The following MCM9 variants were observed in gnomAD, a reference collection of about 807,000 sequenced individuals.
MCM9 encodes minichromosome maintenance 9 homologous recombination repair factor, also known as DNA helicase MCM9.
Under a neutral mutation model 72.8 loss-of-function variants are expected in MCM9, and 55 were observed. The ratio of observed to expected loss-of-function variants is 0.76; its 90% CI spans 0.61 to 0.95. The LOEUF is 0.95. Among genes scored for constraint, MCM9 ranks in the 40% least tolerant of loss-of-function variants. The pLI is 0.00. For missense variants in MCM9, 1,279 were observed against 1,377.0 expected, an observed-to-expected ratio of 0.93 and a Z score of 1.13; for synonymous variants, 480 against 503.4, an observed-to-expected ratio of 0.95 and a Z score of 0.62.
At chr6:118,883,440 C>T (rs1455663162) in intron 8 of MCM9, among the ~76,000 whole-genome samples, 2 of 103,076 alleles carry the variant, frequency 1.9e-5, no homozygotes, top group African/African-American at 5.9e-5. Context: ...TGACTGAAAA[C>T]TCTCCAAATT....
chr6:118,919,665 T>G (rs1466964440), intron 5 of MCM9: 2 of 152,232 alleles, frequency 1.3e-5, no homozygotes, highest in Non-Finnish European at 2.9e-5. Context: ...GATATTCACC[T>G]TAAACTTCTG....
At chr6:118,894,157 T>G (rs1000104029) in intron 8 of MCM9, 24 of 1,255,702 alleles carry the variant, frequency 1.9e-5, no homozygotes, top group Non-Finnish European at 2.3e-5. Flanking sequence ...GGGTCAGAAC[T>G]CGGGTGCAGC....
intron 8 of MCM9, chr6:118,894,024 C>CA: frequency 1.0e-6 from 1 of 991,100 alleles, no homozygotes; most frequent in Non-Finnish European, 1.2e-6. Context: ...TTATTCCACT[C>CA]ACTTTGTTCT....
chr6:118,882,816 C>A (rs1778375288), intron 8 of MCM9, among the ~76,000 whole-genome samples: 1 of 151,344 alleles, frequency 6.6e-6, no homozygotes, highest in Non-Finnish European at 1.5e-5. Context: ...AGTTACTAAA[C>A]AAGCAAACAA....
At chr6:118,853,405 T>C (rs1234591217) in intron 9 of MCM9, among the ~76,000 whole-genome samples, 1 of 152,204 alleles carries the variant, frequency 6.6e-6, no homozygotes, top group East Asian at 1.9e-4. Flanking sequence ...TATATAAACT[T>C]TAAAACCAGC....
chr6:118,920,228 A>G (rs1781322524), intron 5 of MCM9: 1 of 152,198 alleles, frequency 6.6e-6, no homozygotes, highest in Non-Finnish European at 1.5e-5. Flanking sequence ...GTATTTTGAC[A>G]TATTCTGGGG....
At chr6:118,902,539 T>TC (rs1779874732) in intron 8 of MCM9, among the ~76,000 whole-genome samples, 1 of 151,432 alleles carries the variant, frequency 6.6e-6, no homozygotes, top group African/African-American at 2.4e-5. Context: ...TTTTTTTTTT[T>TC]TTTTTTTGGC....
chr6:118,823,364 G>T (rs139199161), intron 13 of MCM9, among the ~76,000 whole-genome samples: 86 of 152,290 alleles, frequency 5.6e-4, no homozygotes, highest in African/African-American at 1.9e-3. Context: ...CCGGGTCCTT[G>T]TAAGTCCAGG....
intron 3 of MCM9, among the ~76,000 whole-genome samples, chr6:118,924,532 TA>T (rs1781715889): frequency 6.6e-6 from 1 of 152,224 alleles, no homozygotes; most frequent in South Asian, 2.1e-4. Context: ...ATTATTTTAG[TA>T]AATCACGCAG....
intron 9 of MCM9, among the ~76,000 whole-genome samples, chr6:118,836,080 G>A (rs1050391576): frequency 2.0e-5 from 3 of 152,128 alleles, no homozygotes; most frequent in African/African-American, 4.8e-5. Flanking sequence ...TTTATTGAAG[G>A]CCTTTTCTGC....
chr6:118,818,131 G>A (rs1266028698), intron 13 of MCM9, among the ~76,000 whole-genome samples: 2 of 152,184 alleles, frequency 1.3e-5, no homozygotes, highest in Admixed American at 6.6e-5. Flanking sequence ...TCTTTGGTTT[G>A]ATTAGATCCC....
chr6:118,929,815 A>T (rs1223477983), intron 3 of MCM9, among the ~76,000 whole-genome samples: 1 of 152,140 alleles, frequency 6.6e-6, no homozygotes, highest in Non-Finnish European at 1.5e-5. Context: ...TCTAATTTTT[A>T]AAAAAGGCTG....
At chr6:118,893,977 G>A (rs1779152941) in intron 8 of MCM9, 2 of 943,664 alleles carry the variant, frequency 2.1e-6, no homozygotes, top group Non-Finnish European at 2.5e-6. Flanking sequence ...CCCTCTCCGC[G>A]CCGCCGCCGG....
At chr6:118,828,775 T>C (rs1052501909) in intron 10 of MCM9, among the ~76,000 whole-genome samples, 6 of 152,236 alleles carry the variant, frequency 3.9e-5, no homozygotes, top group Admixed American at 3.9e-4. Context: ...GCGTTAATTC[T>C]GTATCATAAG....
intron 8 of MCM9, among the ~76,000 whole-genome samples, chr6:118,894,728 T>A (rs1779232062): frequency 6.6e-6 from 1 of 152,140 alleles, no homozygotes; most frequent in Non-Finnish European, 1.5e-5. Context: ...CGGGCTCAAC[T>A]TGCGAGGAAC....
chr6:118,904,937 A>G (rs1379193279), intron 8 of MCM9, among the ~76,000 whole-genome samples: 1 of 152,196 alleles, frequency 6.6e-6, no homozygotes, highest in Non-Finnish European at 1.5e-5. Context: ...TCCTCGGTTC[A>G]AGTGATTCTC....
intron 8 of MCM9, among the ~76,000 whole-genome samples, chr6:118,864,745 G>A (rs1777113308): frequency 1.3e-5 from 2 of 152,214 alleles, no homozygotes; most frequent in South Asian, 4.2e-4. Context: ...TAATTCACCG[G>A]CTCTGAGAAC....
At chr6:118,829,610 A>C (rs1216734369) in intron 9 of MCM9, among the ~76,000 whole-genome samples, 1 of 152,222 alleles carries the variant, frequency 6.6e-6, no homozygotes, top group African/African-American at 2.4e-5. Flanking sequence ...CTAAAAGAAT[A>C]AAGTTCCCAG....
Position 118,814,797 on chromosome 6 carries a change from G to T in MCM9, c.*27C>A. 1 of 1,472,200 alleles carries T rather than the reference G, an allele frequency of 6.8e-7. No individual in the cohort carries two copies. 91.2% of individuals were successfully genotyped at this position (1,472,200 alleles called of 1,614,324 possible). A position where few individuals can be genotyped will look rare whatever the true frequency, so the allele number is the denominator to read the frequency against. ...GGTCCTCTGTGGAGTTGAAGAAGGTGAGATTTGACCAGAAAGCTTTTCCCA... is the reference window on the plus strand; with the variant it reads ...GGTCCTCTGTGGAGTTGAAGAAGGTTAGATTTGACCAGAAAGCTTTTCCCA... On this transcript the variant is annotated 3_prime_UTR_variant, in exon 14 of 14. Transcript: ENST00000619706.
Sources: gnomAD v4.1 joint callset for allele counts (sites outside exome capture counted in the v4.1 genomes callset) on GRCh38, gnomAD v4.1.1 for gene constraint, MANE v1.5 for transcripts, NCBI Gene and HGNC (gene_info 2026-07-23, HGNC 2026-07-21) for gene names.